WDR20: variants seen among roughly 807,000 people sequenced by gnomAD.
WDR20 encodes WD repeat domain 20.
WDR20 carries 3 observed loss-of-function variants against 38.7 expected under a neutral mutation model. The observed-to-expected ratio is 0.08, with a 90% confidence interval of 0.04 to 0.20. WDR20 has a LOEUF of 0.20. Ranked by LOEUF, WDR20 falls within the 10% of genes least tolerant of loss-of-function variation. The pLI, the probability that WDR20 is intolerant of heterozygous loss-of-function variation, is 1.00. For missense variants in WDR20, 559 were observed against 727.7 expected (o/e 0.77, Z 2.67); for synonymous variants, 298 against 285.6 (o/e 1.04, Z -0.44).
intron 1 of WDR20, among the ~76,000 whole-genome samples, chr14:102,182,890 A>C (rs529503087): frequency 6.6e-6 from 1 of 152,236 alleles, no homozygotes; most frequent in Non-Finnish European, 1.5e-5. Context: ...TCCATAAAAT[A>C]CATATATATA....
downstream of WDR20, chr14:102,210,614 C>A (rs538633838): frequency 4.5e-6 from 4 of 896,214 alleles, no homozygotes; most frequent in East Asian, 3.6e-4. Flanking sequence ...AACTGCGGGC[C>A]GAGGACGCCA....
rs1457156244 is a variant in WDR20 at position 102,208,437 on chromosome 14, A to G, written c.433-166A>G. ...TAGAAAGTAATTCTAAATTACCCCA[A>G]AAGGGCCAAAACGCTCCTTGCTGGC... is the stretch of plus-strand genomic sequence containing the variant. On this transcript the variant is annotated intron_variant, in intron 2 of 2. Coordinates refer to ENST00000342702, the MANE Select transcript of WDR20 (RefSeq NM_144574.4). The surrounding 1 kb of genome is among the most constrained non-coding windows in gnomAD (Gnocchi z 5.6). Among the ~76,000 whole-genome samples, 1 of 152,314 alleles carries G rather than the reference A, an allele frequency of 6.6e-6. No individual in the cohort carries two copies. The highest frequency in any genetic ancestry group is 2.4e-5 in the African/African-American group (1 of 41,576).
Position 102,208,802 on chromosome 14 carries a change from A to G in WDR20, c.632A>G (p.Asn211Ser). The G allele has an allele frequency of 6.2e-7, 1 of 1,614,184 alleles. No individual in the cohort carries two copies. The highest frequency in any genetic ancestry group is 8.5e-7 in the Non-Finnish European group (1 of 1,180,024). The part of the protein sequence containing the change: ...VHTCKSKSTR[N>S]PLLKWTVGEG... ...ACTTGCAAGAGCAAATCCACGAGGA[A>G]CCCTCTCCTTAAGTGGACGGTGGGC... is the stretch of plus-strand genomic sequence containing the variant. Residue 211 changes from asparagine to serine, a missense_variant, in exon 3 of 3, where the codon AAC becomes AGC. Asn to Ser is a conservative substitution (Grantham distance 46). Transcript: ENST00000342702. This position sits in a 1 kb window ranked among gnomAD's most constrained non-coding sequence, Gnocchi z 5.6.
chr14:102,168,813 C>T (rs2060267172), intron 1 of WDR20, among the ~76,000 whole-genome samples: 1 of 152,182 alleles, frequency 6.6e-6, no homozygotes, highest in Non-Finnish European at 1.5e-5. Flanking sequence ...ACTTCTGCTT[C>T]TACCACTACC....
chr14:102,155,361 T>C (rs1264002175), intron 1 of WDR20, among the ~76,000 whole-genome samples: 1 of 152,216 alleles, frequency 6.6e-6, no homozygotes, highest in Non-Finnish European at 1.5e-5. Context: ...GACTTGCTAA[T>C]TGACTGCTGT....
chr14:102,224,099 T>C (rs965750803), downstream of WDR20, among the ~76,000 whole-genome samples: 10 of 148,726 alleles, frequency 6.7e-5, no homozygotes, highest in Middle Eastern at 3.5e-3. Flanking sequence ...TGGAGTGCAG[T>C]GGCGCAATCT....
chr14:102,173,462 TTA>T (rs2061411021), intron 1 of WDR20, among the ~76,000 whole-genome samples: 1 of 146,716 alleles, frequency 6.8e-6, no homozygotes. Context: ...ATTATTATTA[TTA>T]TTATTATTAT....
chr14:102,139,504 C>T, upstream of WDR20: 1 of 1,308,226 alleles, frequency 7.6e-7, no homozygotes, highest in Non-Finnish European at 1.0e-6. Flanking sequence ...CCCCTCAGGG[C>T]AGGGCGGGAG....
chr14:102,223,174 T>A (rs917352177), exon 4 of WDR20: 2 of 201,222 alleles, frequency 9.9e-6, no homozygotes, highest in African/African-American at 4.7e-5. Context: ...CATATATATA[T>A]AATATATACA....
intron 1 of WDR20, among the ~76,000 whole-genome samples, chr14:102,183,309 T>C (rs1032565335): frequency 6.6e-6 from 1 of 152,218 alleles, no homozygotes; most frequent in East Asian, 1.9e-4. Context: ...CCTGGTTGGA[T>C]CAGAGATTAT....
chr14:102,213,409 A>G, downstream of WDR20: 2 of 985,460 alleles, frequency 2.0e-6, no homozygotes, highest in South Asian at 4.7e-5. Flanking sequence ...GTGCTGATTG[A>G]ACCTTCTAGC....
intron 1 of WDR20, among the ~76,000 whole-genome samples, chr14:102,143,799 T>C (rs1227004332): frequency 6.6e-6 from 1 of 151,912 alleles, no homozygotes; most frequent in Non-Finnish European, 1.5e-5. Flanking sequence ...CTCCTCGGCC[T>C]TCCAAAGTGC....
chr14:102,212,207 A>G (rs1049569490), downstream of WDR20, among the ~76,000 whole-genome samples: 2 of 152,192 alleles, frequency 1.3e-5, no homozygotes, highest in Non-Finnish European at 2.9e-5. Context: ...AGTTTTAAAC[A>G]CTATGATATT....
intron 1 of WDR20, among the ~76,000 whole-genome samples, chr14:102,179,524 C>A (rs552233326): frequency 6.6e-6 from 1 of 151,550 alleles, no homozygotes; most frequent in South Asian, 2.1e-4. Context: ...CCCAAGCAGT[C>A]CTCCCATCTC....
At chr14:102,171,690 T>G (rs2060853015) in intron 1 of WDR20, among the ~76,000 whole-genome samples, 1 of 151,854 alleles carries the variant, frequency 6.6e-6, no homozygotes, top group African/African-American at 2.4e-5. Context: ...CCAAAGATCT[T>G]ATCTTTCGTT....
intron 2 of WDR20, chr14:102,195,745 A>C (rs1567001114): frequency 6.6e-6 from 1 of 152,260 alleles, no homozygotes; most frequent in Non-Finnish European, 1.5e-5. Context: ...CTGTTCAGGA[A>C]CATGTCAGGA....
At position 102,220,241 on chromosome 14, in the gene WDR20, TAAGG is replaced by T. The variant is rs1447082406; in HGVS notation, c.1693-2584_1693-2581del. On this transcript the variant is annotated intron_variant, in intron 3 of 3. Transcript: ENST00000335263. This position sits in a 1 kb window ranked among gnomAD's most constrained non-coding sequence, Gnocchi z 4.2. ...GCCTCACACTCAGTGAGAGGAAGTCTAAGGAAGGGTGCTGTCCCTCATGGCCGTC... is the reference window on the plus strand; with the variant it reads ...GCCTCACACTCAGTGAGAGGAAGTCTAAGGGTGCTGTCCCTCATGGCCGTC... Among the ~76,000 whole-genome samples, 3 of 152,184 alleles carry T rather than the reference TAAGG, an allele frequency of 2.0e-5. No individual in the cohort carries two copies. Among genetic ancestry groups the T allele is most frequent in the African/African-American group, 7.2e-5 (3 of 41,516 alleles).
intron 1 of WDR20, among the ~76,000 whole-genome samples, chr14:102,165,078 C>G (rs746380420): frequency 2.0e-5 from 3 of 152,196 alleles, no homozygotes; most frequent in Non-Finnish European, 2.9e-5. Context: ...CCTTTTCCCA[C>G]TCAGTTGCCT....
chr14:102,224,075 T>G (rs2064149807), downstream of WDR20, among the ~76,000 whole-genome samples: 1 of 138,930 alleles, frequency 7.2e-6, no homozygotes, highest in East Asian at 2.1e-4. Context: ...GGAGTCTCCC[T>G]CTGTTGTCCA....
Sources: gnomAD v4.1 joint callset for allele counts (sites outside exome capture counted in the v4.1 genomes callset) on GRCh38, gnomAD v4.1.1 for gene constraint, Gnocchi (gnomAD v3.1) non-coding constraint, MANE v1.5 for transcripts, NCBI Gene and HGNC (gene_info 2026-07-23, HGNC 2026-07-21) for gene names.